NCOA1: variants seen among roughly 807,000 people sequenced by gnomAD.
NCOA1 encodes Hin-2 protein.
Under a neutral mutation model 150.9 loss-of-function variants are expected in NCOA1, and 35 were observed. The observed-to-expected ratio is 0.23, with a 90% CI of 0.18 to 0.31. The LOEUF (loss-of-function observed/expected upper bound fraction) is 0.31. Among genes scored for constraint, NCOA1 ranks in the 10% least tolerant of loss-of-function variants. The pLI is 1.00. For synonymous variants in NCOA1, 590 were observed against 630.0 expected (o/e 0.94, Z 0.95); for missense variants, 1,491 against 1,749.3 (o/e 0.85, Z 2.63).
At chr2:24,516,024 T>G (rs988525522) in intron 1 of NCOA1, among the ~76,000 whole-genome samples, 3 of 152,114 alleles carry the variant, frequency 2.0e-5, no homozygotes, top group Admixed American at 6.5e-5. Context: ...GAGCCTTAGC[T>G]CAGTCAGCAG....
At position 24,766,643 on chromosome 2, in the gene NCOA1, G is replaced by A. The variant is rs75023237; in HGVS notation, c.4156-1578G>A. 8.6e-3 allele frequency among the ~76,000 whole-genome samples: 1,304 copies of A among 152,240 alleles called. 6 individuals are homozygous for A. Among genetic ancestry groups the A allele is most frequent in the Non-Finnish European group, 0.015 (1,014 of 68,004 alleles). ...GAGAGAACAGGAAGAGAACAGAGGA[G>A]TGGGAAGAGGGATGGCAGGAGGAGG... On this transcript the variant is annotated intron_variant, in intron 22 of 22. Coordinates refer to ENST00000348332, the MANE Select transcript of NCOA1 (RefSeq NM_003743.5).
At chr2:24,746,213 A>G (rs904570970) in intron 19 of NCOA1, among the ~76,000 whole-genome samples, 4 of 152,216 alleles carry the variant, frequency 2.6e-5, no homozygotes, top group Non-Finnish European at 4.4e-5. Context: ...CATGTCTGCA[A>G]TGCTAGTTAT....
intron 1 of NCOA1, among the ~76,000 whole-genome samples, chr2:24,551,209 G>T (rs1001272637): frequency 6.6e-6 from 1 of 151,826 alleles, no homozygotes; most frequent in African/African-American, 2.4e-5. Context: ...ATAGCATAAA[G>T]ACCAGTAGGA....
intron 20 of NCOA1, among the ~76,000 whole-genome samples, chr2:24,753,556 C>T (rs1005089130): frequency 6.6e-6 from 1 of 152,204 alleles, no homozygotes; most frequent in Non-Finnish European, 1.5e-5. Flanking sequence ...ATGTCCTTTT[C>T]AGTGCCAAAA....
intron 14 of NCOA1, among the ~76,000 whole-genome samples, chr2:24,713,491 G>T (rs1673863529): frequency 6.6e-6 from 1 of 152,096 alleles, no homozygotes; most frequent in Non-Finnish European, 1.5e-5. Context: ...TCCATACAGT[G>T]AATCAGGAAT....
At chr2:24,578,286 T>G (rs1260067197) in intron 2 of NCOA1, among the ~76,000 whole-genome samples, 2 of 152,140 alleles carry the variant, frequency 1.3e-5, no homozygotes, top group Non-Finnish European at 2.9e-5. Flanking sequence ...TAGAGCCTTT[T>G]CATATGCAAA....
At chr2:24,656,841 C>T (rs1670973567) in intron 4 of NCOA1, among the ~76,000 whole-genome samples, 1 of 152,074 alleles carries the variant, frequency 6.6e-6, no homozygotes, top group Non-Finnish European at 1.5e-5. Context: ...GTATATATAC[C>T]ACATTTTCTT....
At chr2:24,623,344 G>C (rs2148413053) in intron 3 of NCOA1, among the ~76,000 whole-genome samples, 1 of 152,260 alleles carries the variant, frequency 6.6e-6, no homozygotes, top group Admixed American at 6.5e-5. Context: ...ATAGATTGGT[G>C]AGACAGCCCA....
intron 1 of NCOA1, among the ~76,000 whole-genome samples, chr2:24,521,953 C>A (rs937264549): frequency 1.3e-5 from 2 of 152,054 alleles, no homozygotes; most frequent in Non-Finnish European, 2.9e-5. Flanking sequence ...TGTCTAGTAT[C>A]CTCATCCCCT....
At chr2:24,757,243 G>C (rs1053613039) in intron 20 of NCOA1, among the ~76,000 whole-genome samples, 1 of 152,150 alleles carries the variant, frequency 6.6e-6, no homozygotes, top group African/African-American at 2.4e-5. Context: ...AGTCTCAATT[G>C]CCAGTGAGTC....
chr2:24,542,081 A>G (rs1665422923), intron 1 of NCOA1, among the ~76,000 whole-genome samples: 1 of 152,228 alleles, frequency 6.6e-6, no homozygotes, highest in Non-Finnish European at 1.5e-5. Flanking sequence ...TTGATGTTCC[A>G]GAGTTATGGG....
intron 5 of NCOA1, among the ~76,000 whole-genome samples, chr2:24,661,704 C>A (rs1671191442): frequency 6.6e-6 from 1 of 152,144 alleles, no homozygotes; most frequent in Non-Finnish European, 1.5e-5. Flanking sequence ...CTACCCTTGA[C>A]TGTTTTTATT....
At chr2:24,501,476 A>T (rs1035891455) in intron 1 of NCOA1, among the ~76,000 whole-genome samples, 1 of 152,228 alleles carries the variant, frequency 6.6e-6, no homozygotes, top group Non-Finnish European at 1.5e-5. Flanking sequence ...TGTGTCATCA[A>T]TAAGAAAAGT....
At chr2:24,737,924 T>G (rs1242930599) in intron 17 of NCOA1, among the ~76,000 whole-genome samples, 1 of 152,166 alleles carries the variant, frequency 6.6e-6, no homozygotes, top group Non-Finnish European at 1.5e-5. Context: ...TTATCTAAAT[T>G]TATGTTCCTG....
chr2:24,520,356 T>C (rs1261901020), intron 1 of NCOA1, among the ~76,000 whole-genome samples: 2 of 152,188 alleles, frequency 1.3e-5, no homozygotes, highest in African/African-American at 4.8e-5. Flanking sequence ...AATCCAAACG[T>C]CCTTAATAGG....
At chr2:24,747,204 A>G (rs933000860) in intron 19 of NCOA1, among the ~76,000 whole-genome samples, 1 of 151,958 alleles carries the variant, frequency 6.6e-6, no homozygotes, top group Admixed American at 6.5e-5. Context: ...AGAAAGAAAT[A>G]TCAGAAAGCT....
chr2:24,732,829 AG>A (rs1367525478), intron 17 of NCOA1, among the ~76,000 whole-genome samples: 1 of 152,130 alleles, frequency 6.6e-6, no homozygotes, highest in Non-Finnish European at 1.5e-5. Flanking sequence ...GCAGAAGAAA[AG>A]GGACTGTTTC....
intron 1 of NCOA1, among the ~76,000 whole-genome samples, chr2:24,505,680 A>G (rs12619839): frequency 0.04 from 6,045 of 152,126 alleles, 146 homozygotes; most frequent in East Asian, 0.11. Context: ...AGGTCATAGC[A>G]TCCTTCCCTT....
intron 8 of NCOA1, among the ~76,000 whole-genome samples, chr2:24,690,757 C>T (rs1225775353): frequency 6.6e-6 from 1 of 150,666 alleles, no homozygotes; most frequent in Non-Finnish European, 1.5e-5. Context: ...TTATGAGCTA[C>T]CACACGTGGT....
Sources: allele counts gnomAD v4.1 joint callset (sites outside exome capture counted in the v4.1 genomes callset), GRCh38; gene constraint gnomAD v4.1.1; transcripts MANE v1.5; gene names NCBI Gene and HGNC (gene_info 2026-07-23, HGNC 2026-07-21).